NCAM2: variants seen among roughly 807,000 people sequenced by gnomAD.
NCAM2 encodes N-CAM-2.
In NCAM2, 30 loss-of-function variants were observed where a neutral mutation model predicts 98.1. That is an observed-to-expected ratio of 0.31 (90% CI 0.23 to 0.41). The LOEUF (loss-of-function observed/expected upper bound fraction) is 0.41, where lower values mean the gene tolerates loss of function less well. Among genes scored for constraint, NCAM2 ranks in the 10% least tolerant of loss-of-function variants. NCAM2 has a pLI of 1.00. For missense variants in NCAM2, 867 were observed against 1,005.8 expected (o/e 0.86, Z 1.87); for synonymous variants, 368 against 342.4 (o/e 1.07, Z -0.83).
intron 1 of NCAM2, among the ~76,000 whole-genome samples, chr21:21,083,849 A>C (rs940046984): frequency 2.6e-5 from 4 of 152,236 alleles, no homozygotes; most frequent in Non-Finnish European, 2.9e-5. Flanking sequence ...GTAATGTAAT[A>C]TCATAACTAG....
At chr21:21,447,772 G>T (rs1444852995) in intron 12 of NCAM2, among the ~76,000 whole-genome samples, 1 of 151,936 alleles carries the variant, frequency 6.6e-6, no homozygotes, top group Non-Finnish European at 1.5e-5. Context: ...ACATTTACGT[G>T]GACAACCAAC....
chr21:21,411,029 T>TAC (rs1179161758), intron 10 of NCAM2, among the ~76,000 whole-genome samples: 3 of 85,820 alleles, frequency 3.5e-5, no homozygotes, highest in African/African-American at 1.5e-4. Flanking sequence ...TATATATATA[T>TAC]ATACACACAT....
In NCAM2 at chr21:21,105,116, G is replaced by A. The variant is rs117829953; in HGVS notation, c.55+106498G>A. On this transcript the variant is annotated intron_variant, in intron 1 of 17. Transcript: ENST00000400546. ...ATTTCTGACCCTCAAAAAAAATGGA[G>A]CAATAAATGTTTATTGTTGTAAACA... Among the ~76,000 whole-genome samples the A allele has an allele frequency of 5.8e-3, 880 of 152,172 alleles. 9 individuals are homozygous for A. Among genetic ancestry groups the A allele is most frequent in the East Asian group, 0.032 (167 of 5,166 alleles).
At chr21:21,240,423 G>GA (rs1241108624) in intron 1 of NCAM2, among the ~76,000 whole-genome samples, 4 of 150,262 alleles carry the variant, frequency 2.7e-5, no homozygotes, top group Non-Finnish European at 4.4e-5. Flanking sequence ...TTGTTTCTGA[G>GA]AAAAAAGATG....
At chr21:21,087,934 C>G (rs148725133) in intron 1 of NCAM2, among the ~76,000 whole-genome samples, 46 of 152,276 alleles carry the variant, frequency 3.0e-4, no homozygotes, top group African/African-American at 1.1e-3. Context: ...AGGAGTAAGT[C>G]ATGTCATTGC....
intron 9 of NCAM2, among the ~76,000 whole-genome samples, chr21:21,401,312 T>C (rs2076625724): frequency 6.6e-6 from 1 of 152,216 alleles, no homozygotes; most frequent in South Asian, 2.1e-4. Context: ...CTCAGCCTTT[T>C]TCGTGGTGAG....
chr21:21,200,091 A>G (rs1458228865), intron 1 of NCAM2, among the ~76,000 whole-genome samples: 3 of 152,142 alleles, frequency 2.0e-5, no homozygotes, highest in Non-Finnish European at 4.4e-5. Context: ...TTAATTCTCA[A>G]GGAGGCAGCC....
At chr21:21,303,688 A>T (rs2073796143) in intron 5 of NCAM2, among the ~76,000 whole-genome samples, 1 of 152,102 alleles carries the variant, frequency 6.6e-6, no homozygotes. Flanking sequence ...AACACTTCCT[A>T]AAAGTTTTCC....
At chr21:21,252,355 C>G (rs1408245054) in intron 1 of NCAM2, among the ~76,000 whole-genome samples, 1 of 150,278 alleles carries the variant, frequency 6.7e-6, no homozygotes, top group African/African-American at 2.4e-5. Context: ...AAAATATAAT[C>G]TTTATTATAT....
chr21:21,049,755 C>T (rs747900676), intron 1 of NCAM2, among the ~76,000 whole-genome samples: 2 of 151,860 alleles, frequency 1.3e-5, no homozygotes, highest in African/African-American at 2.4e-5. Flanking sequence ...CCAGTAATCC[C>T]AGCTACTCAG....
At chr21:21,188,469 T>G (rs1406917359) in intron 1 of NCAM2, among the ~76,000 whole-genome samples, 1 of 152,160 alleles carries the variant, frequency 6.6e-6, no homozygotes, top group Admixed American at 6.5e-5. Context: ...AAAATTTTTC[T>G]ATAACTAGCT....
intron 1 of NCAM2, among the ~76,000 whole-genome samples, chr21:21,171,518 G>A (rs1278734477): frequency 2.6e-5 from 4 of 152,142 alleles, no homozygotes; most frequent in Non-Finnish European, 4.4e-5. Context: ...AAATGGTCTC[G>A]CCTCTGGAGT....
chr21:21,214,816 G>A (rs1043907469), intron 1 of NCAM2, among the ~76,000 whole-genome samples: 2 of 140,968 alleles, frequency 1.4e-5, no homozygotes, highest in East Asian at 2.0e-4. Context: ...TATGTGTATC[G>A]AATATATGTA....
At chr21:21,176,575 A>G (rs1444727496) in intron 1 of NCAM2, among the ~76,000 whole-genome samples, 1 of 152,128 alleles carries the variant, frequency 6.6e-6, no homozygotes, top group Non-Finnish European at 1.5e-5. Context: ...ACAATGTAAC[A>G]TAGATTATTG....
Position 21,528,354 on chromosome 21 carries a change from T to A in NCAM2, c.2283-6183T>A, listed in dbSNP as rs953747052. On this transcript the variant is annotated intron_variant, in intron 16 of 17. Coordinates refer to ENST00000400546, the MANE Select transcript of NCAM2 (RefSeq NM_004540.5). ...CTTAATGTAAAGTATAAATTTGGGG[T>A]AATGATGTGTCAAGGTAGGTTCATT... Among the ~76,000 whole-genome samples, 12 of 152,070 alleles carry A rather than the reference T, an allele frequency of 7.9e-5. No individual in the cohort carries two copies. In the East Asian group the frequency reaches 2.3e-3, roughly 29 times the overall value.
intron 9 of NCAM2, among the ~76,000 whole-genome samples, chr21:21,408,955 C>T (rs184102280): frequency 1.7e-5 from 2 of 118,476 alleles, no homozygotes; most frequent in South Asian, 2.5e-4. Context: ...GTAGATATAA[C>T]AAAACTGGAT....
At chr21:21,265,216 T>C (rs1412131734) in intron 1 of NCAM2, among the ~76,000 whole-genome samples, 2 of 121,832 alleles carry the variant, frequency 1.6e-5, no homozygotes, top group African/African-American at 6.4e-5. Context: ...GTGTATATAG[T>C]ATATTATATT....
chr21:21,294,795 T>C (rs1249115247), intron 5 of NCAM2, among the ~76,000 whole-genome samples: 2 of 142,998 alleles, frequency 1.4e-5, no homozygotes, highest in Non-Finnish European at 3.0e-5. Context: ...GCTTACTGGC[T>C]CCTTTTAAAT....
chr21:21,436,382 C>T (rs1446271240), intron 12 of NCAM2, among the ~76,000 whole-genome samples: 1 of 152,230 alleles, frequency 6.6e-6, no homozygotes, highest in Non-Finnish European at 1.5e-5. Context: ...AACATACTTT[C>T]ACAATCAGTC....
Sources: allele counts gnomAD v4.1 joint callset (sites outside exome capture counted in the v4.1 genomes callset), GRCh38; gene constraint gnomAD v4.1.1; transcripts MANE v1.5; gene names NCBI Gene and HGNC (gene_info 2026-07-23, HGNC 2026-07-21).